The following LRP1B variants were observed in gnomAD, a reference collection of about 807,000 sequenced individuals.
LRP1B encodes the protein low-density lipoprotein receptor-related protein 1B.
Under a neutral mutation model 556.6 loss-of-function variants are expected in LRP1B, and 217 were observed. The ratio of observed to expected loss-of-function variants is 0.39; its 90% CI spans 0.35 to 0.44. The LOEUF (loss-of-function observed/expected upper bound fraction) is 0.44, where lower values mean the gene tolerates loss of function less well. Among genes scored for constraint, LRP1B ranks in the 20% least tolerant of loss-of-function variants. LRP1B has a pLI of 1.00. For synonymous variants in LRP1B, 2,047 were observed against 1,865.8 expected, an observed-to-expected ratio of 1.10 and a Z score of -2.50; for missense variants, 5,053 against 5,620.8, an observed-to-expected ratio of 0.90 and a Z score of 3.23.
At chr2:141,192,986 A>C (rs563294059) in intron 6 of LRP1B, among the ~76,000 whole-genome samples, 2 of 152,128 alleles carry the variant, frequency 1.3e-5, no homozygotes, top group Admixed American at 1.3e-4. Flanking sequence ...ATTGGCTATA[A>C]AATGACACAT....
At chr2:140,809,044 TCTCAGTAA>T (rs1167129663) in intron 32 of LRP1B, among the ~76,000 whole-genome samples, 2 of 151,986 alleles carry the variant, frequency 1.3e-5, no homozygotes, top group African/African-American at 4.8e-5. Context: ...CATCCTTTTC[TCTCAGTAA>T]CTCAATGTCA....
chr2:140,922,116 G>A (rs1341274936), intron 21 of LRP1B, among the ~76,000 whole-genome samples: 1 of 151,946 alleles, frequency 6.6e-6, no homozygotes, highest in Non-Finnish European at 1.5e-5. Context: ...AACCACAATA[G>A]CTCATCGTAA....
intron 1 of LRP1B, among the ~76,000 whole-genome samples, chr2:142,016,580 A>G (rs1703137818): frequency 6.6e-6 from 1 of 152,106 alleles, no homozygotes; most frequent in African/African-American, 2.4e-5. Context: ...ACACAGGAAC[A>G]GAAAACCAAA....
chr2:141,179,022 A>G (rs1680872736), intron 7 of LRP1B, among the ~76,000 whole-genome samples: 1 of 152,122 alleles, frequency 6.6e-6, no homozygotes. Context: ...TTCTATTGAT[A>G]TTCAGGCAAA....
At chr2:142,020,516 T>C (rs1703295816) in intron 1 of LRP1B, among the ~76,000 whole-genome samples, 1 of 152,182 alleles carries the variant, frequency 6.6e-6, no homozygotes, top group African/African-American at 2.4e-5. Flanking sequence ...CAGTTCAGAA[T>C]AAAACAGTGA....
intron 2 of LRP1B, among the ~76,000 whole-genome samples, chr2:141,639,039 C>A (rs1480880378): frequency 9.1e-6 from 1 of 109,844 alleles, no homozygotes; most frequent in African/African-American, 3.1e-5. Context: ...TTCTTTATAG[C>A]AATGCAAGAA....
At chr2:141,185,337 C>A (rs1002851418) in intron 7 of LRP1B, among the ~76,000 whole-genome samples, 16 of 152,098 alleles carry the variant, frequency 1.1e-4, no homozygotes, top group Admixed American at 9.8e-4. Context: ...ACCTACTAAC[C>A]ATCTGACAGA....
intron 2 of LRP1B, among the ~76,000 whole-genome samples, chr2:141,789,856 C>A (rs1232315938): frequency 4.6e-5 from 7 of 151,970 alleles, no homozygotes; most frequent in African/African-American, 1.7e-4. Flanking sequence ...AAATAAGTGT[C>A]TTCTACTTAG....
Position 141,520,834 on chromosome 2 carries a change from T to G in LRP1B, c.206-40301A>C, listed in dbSNP as rs577460597. Reference sequence around the variant, plus strand: ...TAATTTTTTCCCTTTCTTTTTGCTATTGTCGCCCAGCTGCTTTTATAAGAA... The same window carrying G: ...TAATTTTTTCCCTTTCTTTTTGCTAGTGTCGCCCAGCTGCTTTTATAAGAA... On this transcript the variant is annotated intron_variant, in intron 2 of 90. Transcript: ENST00000389484. Among the ~76,000 whole-genome samples, 17 of 152,208 alleles carry G rather than the reference T, an allele frequency of 1.1e-4. 1 individual carries two copies. In the South Asian group the frequency reaches 3.5e-3, roughly 32 times the overall value.
chr2:140,406,616 C>A (rs554216920), intron 66 of LRP1B, among the ~76,000 whole-genome samples: 16 of 151,880 alleles, frequency 1.1e-4, no homozygotes, highest in Non-Finnish European at 8.8e-5. Context: ...AATAAAATAC[C>A]TATGAATATA....
At chr2:141,217,023 A>G (rs184202118) in intron 6 of LRP1B, among the ~76,000 whole-genome samples, 32 of 152,334 alleles carry the variant, frequency 2.1e-4, no homozygotes, top group Admixed American at 2.1e-3. Context: ...TTGGGAAGGC[A>G]TAATCGTATT....
intron 6 of LRP1B, among the ~76,000 whole-genome samples, chr2:141,224,840 G>A (rs1683182072): frequency 6.6e-6 from 1 of 151,866 alleles, no homozygotes; most frequent in Non-Finnish European, 1.5e-5. Flanking sequence ...GGAAGGGAGG[G>A]CATCAGGAGA....
intron 2 of LRP1B, among the ~76,000 whole-genome samples, chr2:141,591,584 G>A (rs1489741051): frequency 1.1e-4 from 10 of 90,564 alleles, no homozygotes; most frequent in African/African-American, 5.5e-4. Context: ...GCAGAGTGGT[G>A]TGTGTGTGTG....
intron 2 of LRP1B, among the ~76,000 whole-genome samples, chr2:141,655,495 T>C (rs1558784129): frequency 6.6e-6 from 1 of 152,140 alleles, no homozygotes; most frequent in Non-Finnish European, 1.5e-5. Flanking sequence ...GCAATAGGTG[T>C]CCCTATCCAT....
At chr2:140,434,700 A>G (rs1460717921) in intron 66 of LRP1B, among the ~76,000 whole-genome samples, 1 of 152,160 alleles carries the variant, frequency 6.6e-6, no homozygotes, top group African/African-American at 2.4e-5. Context: ...CATTAAATTT[A>G]AGATTGATTG....
In LRP1B at chr2:140,356,229, G is replaced by GATACACACC. The variant is rs1558825305; in HGVS notation, c.11530+104_11530+112dup. 2.7e-6 allele frequency: 3 copies of GATACACACC among 1,094,714 alleles called. No homozygotes were observed. In the Admixed American group the frequency reaches 6.1e-5, roughly 22 times the overall value. The allele number at this position is 1,094,714 out of a possible 1,614,324, so 67.8% of individuals were successfully genotyped here. ...CTCATAAGTGAAATGGTATCCCGTAGATACACACCATTTTGATGAAAGTCA... is the reference window on the plus strand; with the variant it reads ...CTCATAAGTGAAATGGTATCCCGTAGATACACACCATACACACCATTTTGATGAAAGTCA... On this transcript the variant is annotated intron_variant, in intron 75 of 90. Coordinates refer to ENST00000389484, the MANE Select transcript of LRP1B (RefSeq NM_018557.3).
At chr2:141,364,362 C>T (rs137973221) in intron 3 of LRP1B, among the ~76,000 whole-genome samples, 3 of 150,924 alleles carry the variant, frequency 2.0e-5, no homozygotes, top group Non-Finnish European at 3.0e-5. Flanking sequence ...CGCACACACA[C>T]GTAGTGGAAT....
intron 43 of LRP1B, among the ~76,000 whole-genome samples, chr2:140,546,510 A>G (rs778767860): frequency 2.0e-5 from 3 of 152,128 alleles, no homozygotes; most frequent in Non-Finnish European, 4.4e-5. Flanking sequence ...TCTTCTTAAT[A>G]TGGCAGCAGC....
At chr2:140,809,726 A>C (rs1690850681) in intron 32 of LRP1B, among the ~76,000 whole-genome samples, 1 of 152,200 alleles carries the variant, frequency 6.6e-6, no homozygotes, top group Non-Finnish European at 1.5e-5. Flanking sequence ...AGAATCTGGG[A>C]GCAGCCATGT....
Sources: allele counts gnomAD v4.1 joint callset (sites outside exome capture counted in the v4.1 genomes callset), GRCh38; gene constraint gnomAD v4.1.1; transcripts MANE v1.5; gene names NCBI Gene and HGNC (gene_info 2026-07-23, HGNC 2026-07-21).